Variants in KCNN2 observed in about 807,000 individuals in gnomAD.
KCNN2 encodes potassium calcium-activated channel subfamily N member 2, also known as small conductance calcium-activated potassium channel protein 2.
A neutral mutation model predicts 55.5 loss-of-function variants in KCNN2; 24 were observed. That is an observed-to-expected ratio of 0.43 (90% CI 0.31 to 0.61). KCNN2 has a LOEUF of 0.61. Among genes scored for constraint, KCNN2 ranks in the 20% least tolerant of loss-of-function variants. KCNN2 has a pLI of 0.08. For missense variants in KCNN2, 754 were observed against 853.6 expected, an observed-to-expected ratio of 0.88 and a Z score of 1.45; for synonymous variants, 431 against 336.1, an observed-to-expected ratio of 1.28 and a Z score of -3.09.
At chr5:114,407,666 G>A (rs1287731157) in intron 3 of KCNN2, among the ~76,000 whole-genome samples, 4 of 152,150 alleles carry the variant, frequency 2.6e-5, no homozygotes, top group South Asian at 4.1e-4. Flanking sequence ...TACATATTTT[G>A]TGTCTTCTCT....
chr5:114,158,844 C>G (rs909061110), intron 1 of KCNN2, among the ~76,000 whole-genome samples: 5 of 151,642 alleles, frequency 3.3e-5, no homozygotes, highest in Non-Finnish European at 7.4e-5. Flanking sequence ...GATTTTTGCA[C>G]ATTGGTTTTA....
intron 2 of KCNN2, among the ~76,000 whole-genome samples, chr5:114,247,389 A>G (rs1014168006): frequency 1.3e-5 from 2 of 152,080 alleles, no homozygotes; most frequent in Admixed American, 6.5e-5. Flanking sequence ...TTAGATTAAA[A>G]TGTATCAACA....
At chr5:114,465,419 C>T (rs1375803778) in intron 4 of KCNN2, among the ~76,000 whole-genome samples, 1 of 152,094 alleles carries the variant, frequency 6.6e-6, no homozygotes, top group African/African-American at 2.4e-5. Flanking sequence ...TCGAGACCAA[C>T]CTGACCAACA....
intron 2 of KCNN2, among the ~76,000 whole-genome samples, chr5:114,280,932 A>T (rs1332826590): frequency 6.6e-6 from 1 of 151,904 alleles, no homozygotes; most frequent in Non-Finnish European, 1.5e-5. Flanking sequence ...TGCCAACCTG[A>T]CCTTTTTCTT....
chr5:114,343,847 C>A lies in KCNN2; in HGVS notation c.-184-17098C>A, dbSNP rs144483572. Among the ~76,000 whole-genome samples, 275 of 152,278 alleles carry A rather than the reference C, an allele frequency of 1.8e-3. 1 individual carries two copies. Among genetic ancestry groups the A allele is most frequent in the African/African-American group, 6.5e-3 (272 of 41,546 alleles). On this transcript the variant is annotated intron_variant, in intron 2 of 10. Coordinates refer to the KCNN2 transcript ENST00000512097. ...AGTGCTTTGAGAAGCTGTCTAATCC[C>A]TCTGATGTCTGATGGGCAGGGATGC...
intron 1 of KCNN2, among the ~76,000 whole-genome samples, chr5:114,179,597 T>C (rs748199600): frequency 6.6e-6 from 1 of 152,206 alleles, no homozygotes; most frequent in Non-Finnish European, 1.5e-5. Flanking sequence ...GAAACTTCCC[T>C]GTCTACTTTT....
intron 1 of KCNN2, among the ~76,000 whole-genome samples, chr5:114,095,538 G>A (rs140933068): frequency 6.6e-6 from 1 of 152,156 alleles, no homozygotes; most frequent in Non-Finnish European, 1.5e-5. Context: ...ATCATAAAAG[G>A]TTCCATTTAA....
At position 114,465,592 on chromosome 5, in the gene KCNN2, A is replaced by G. The variant is rs186011557; in HGVS notation, c.1779+2402A>G. On this transcript the variant is annotated intron_variant, in intron 4 of 7. Transcript: ENST00000673685. ...GCGCCATGGCACTCTAGCCTGGGCA[A>G]CAAGAGTGAAACTCCATCATCTCAA... is the stretch of plus-strand genomic sequence containing the variant. Among the ~76,000 whole-genome samples the G allele has an allele frequency of 9.2e-5, 14 of 151,656 alleles. No homozygotes were observed. The East Asian group carries it at 2.7e-3, about 29-fold the overall frequency.
intron 4 of KCNN2, among the ~76,000 whole-genome samples, chr5:114,472,408 G>A (rs1035759028): frequency 7.2e-5 from 11 of 152,132 alleles, no homozygotes; most frequent in Non-Finnish European, 7.4e-5. Context: ...AAGATGACCC[G>A]TGCCTTTCCT....
intron 2 of KCNN2, among the ~76,000 whole-genome samples, chr5:114,323,796 G>GCC (rs1756663140): frequency 6.6e-6 from 1 of 151,622 alleles, no homozygotes; most frequent in South Asian, 2.1e-4. Context: ...CTACAGGCAT[G>GCC]TGCCACCATG....
chr5:114,242,213 C>CA (rs1187211505), intron 2 of KCNN2, among the ~76,000 whole-genome samples: 2 of 152,004 alleles, frequency 1.3e-5, no homozygotes, highest in East Asian at 3.9e-4. Flanking sequence ...GCTCTCTATG[C>CA]AAACATCCTT....
chr5:114,283,570 T>G (rs1755669521), intron 2 of KCNN2, among the ~76,000 whole-genome samples: 1 of 152,216 alleles, frequency 6.6e-6, no homozygotes. Context: ...TTGACTATTG[T>G]CATCTTTGTA....
intron 5 of KCNN2, among the ~76,000 whole-genome samples, chr5:114,481,195 T>C (rs13300558): frequency 6.6e-6 from 1 of 152,082 alleles, no homozygotes; most frequent in Non-Finnish European, 1.5e-5. Flanking sequence ...AGCATTCCTA[T>C]ACACCACCAA....
At chr5:114,087,163 T>G (rs1751033933) in intron 1 of KCNN2, among the ~76,000 whole-genome samples, 1 of 151,880 alleles carries the variant, frequency 6.6e-6, no homozygotes, top group Admixed American at 6.6e-5. Flanking sequence ...TCCTTGTAGA[T>G]TCTGGATATT....
intron 1 of KCNN2, among the ~76,000 whole-genome samples, chr5:114,091,066 C>T (rs1386460): frequency 0.13 from 20,384 of 152,154 alleles, 1,447 homozygotes; most frequent in Middle Eastern, 0.17. Flanking sequence ...TCTCAAACTC[C>T]TGTGTTCAAG....
At chr5:114,486,954 C>G (rs2150137228) in intron 5 of KCNN2, 96 bp from the exon 6 acceptor site, 1 of 1,411,364 alleles carries the variant, frequency 7.1e-7, no homozygotes, top group African/African-American at 1.4e-5. Context: ...AGCTACAGCT[C>G]ACCATGATCC....
chr5:114,214,901 T>G (rs2112585875), intron 1 of KCNN2, among the ~76,000 whole-genome samples: 1 of 152,258 alleles, frequency 6.6e-6, no homozygotes, highest in Admixed American at 6.5e-5. Context: ...GAATAACTTT[T>G]AGGTTATACT....
intron 2 of KCNN2, among the ~76,000 whole-genome samples, chr5:114,399,938 T>TG (rs1282160255): frequency 6.6e-6 from 1 of 151,034 alleles, no homozygotes; most frequent in Non-Finnish European, 1.5e-5. Context: ...TTGTTTTTTT[T>TG]TTTTGTATTT....
chr5:114,303,181 T>C (rs1347023267), intron 2 of KCNN2, among the ~76,000 whole-genome samples: 2 of 152,240 alleles, frequency 1.3e-5, no homozygotes, highest in African/African-American at 2.4e-5. Context: ...GAAATCAGTA[T>C]ACCATATTTA....
Sources: gnomAD v4.1 joint callset for allele counts (sites outside exome capture counted in the v4.1 genomes callset) on GRCh38, gnomAD v4.1.1 for gene constraint, MANE v1.5 for transcripts, NCBI Gene and HGNC (gene_info 2026-07-23, HGNC 2026-07-21) for gene names.